PI4KA: variants seen among roughly 807,000 people sequenced by gnomAD.
PI4KA encodes phosphatidylinositol 4-kinase alpha.
Under a neutral mutation model 271.4 loss-of-function variants are expected in PI4KA, and 122 were observed. That is an observed-to-expected ratio of 0.45 (90% CI 0.39 to 0.52). The LOEUF (loss-of-function observed/expected upper bound fraction) is 0.52. Ranked by LOEUF, PI4KA falls within the 20% of genes least tolerant of loss-of-function variation. PI4KA has a pLI of 0.00. For missense variants in PI4KA, 1,969 were observed against 2,769.1 expected (o/e 0.71, Z 6.48); for synonymous variants, 1,041 against 1,078.8 (o/e 0.96, Z 0.69).
At chr22:20,764,790 T>C (rs761753583) in intron 22 of PI4KA, 27 bp downstream of exon 22, 14 of 1,576,102 alleles carry the variant, frequency 8.9e-6, no homozygotes, top group East Asian at 2.3e-5. Context: ...TGGATGTGCA[T>C]GTGCATGGTG....
At chr22:20,806,512 A>C (rs1302295671) in intron 10 of PI4KA, among the ~76,000 whole-genome samples, 1 of 151,566 alleles carries the variant, frequency 6.6e-6, no homozygotes, top group Non-Finnish European at 1.5e-5. Flanking sequence ...TCTACTAAAA[A>C]TACAAAAATT....
intron 19 of PI4KA, among the ~76,000 whole-genome samples, chr22:20,774,869 A>C (rs1007094947): frequency 3.3e-5 from 5 of 152,184 alleles, no homozygotes; most frequent in Non-Finnish European, 7.4e-5. Context: ...TGCCTGTGAG[A>C]ACACACACGT....
intron 19 of PI4KA, among the ~76,000 whole-genome samples, chr22:20,771,422 C>CA (rs777990140): frequency 0.037 from 3,910 of 104,380 alleles, 51 homozygotes; most frequent in Non-Finnish European, 0.054. Context: ...GACTCTGTCT[C>CA]AAAAAAAAAA....
chr22:20,778,282 C>T (rs178033), intron 19 of PI4KA, among the ~76,000 whole-genome samples: 57,663 of 151,746 alleles, frequency 0.38, 11,435 homozygotes, highest in African/African-American at 0.48. Flanking sequence ...GGGTGGATCA[C>T]CTGAGGTCAG....
intron 22 of PI4KA, chr22:20,764,483 T>C: frequency 4.4e-6 from 1 of 226,316 alleles, no homozygotes; most frequent in East Asian, 1.2e-4. Context: ...GTGAGTGTCC[T>C]AGACACGCAC....
In PI4KA at chr22:20,858,627, G is replaced by C; in HGVS notation, c.99C>G (p.Asn33Lys). The C allele has an allele frequency of 6.7e-7, 1 of 1,487,776 alleles. No homozygotes were observed. The allele number at this position is 1,487,776 out of a possible 1,614,324, so 92.2% of individuals were successfully genotyped here. A position where few individuals can be genotyped will look rare whatever the true frequency, so the allele number is the denominator to read the frequency against. The stretch of plus-strand genomic sequence containing the variant: ...GGGAGCGGGCCAGTGACAGGACCGT[G>C]TTGAAATAGAAGCCCCGCGAGGCGC... ...GSSASRGFYFNTVLSLARSLA... is the reference protein window; with the variant it reads ...GSSASRGFYFKTVLSLARSLA... The change falls in exon 1 of 55, where the codon AAC (asparagine) becomes AAG (lysine). Residue 33 changes from asparagine (N) to lysine (K), a missense_variant. Physicochemically the swap from Asn to Lys is moderately conservative, Grantham distance 94. Coordinates refer to ENST00000255882, the MANE Select transcript of PI4KA (RefSeq NM_058004.4).
chr22:20,855,194 T>C (rs890597704), intron 1 of PI4KA, among the ~76,000 whole-genome samples: 15 of 151,022 alleles, frequency 9.9e-5, no homozygotes, highest in Non-Finnish European at 2.2e-4. Flanking sequence ...TTGGGAATGC[T>C]AAGGGCTTTT....
At chr22:20,764,998 A>G in intron 21 of PI4KA, 48 bp from the exon 22 acceptor site, 1 of 1,585,628 alleles carries the variant, frequency 6.3e-7, no homozygotes, top group Non-Finnish European at 8.6e-7. Context: ...CCCCCAGGAC[A>G]AACAGGTCCC....
At position 20,734,511 on chromosome 22, in the gene PI4KA, G is replaced by C; in HGVS notation, c.3784C>G (p.Gln1262Glu). The C allele has an allele frequency of 1.9e-6, 3 of 1,613,974 alleles. No homozygotes were observed. The highest frequency in any genetic ancestry group is 2.2e-5 in the South Asian group (2 of 91,072). ...TCAGCAGAAAACAGGCCAAATTTCT[G>C]CTCCACCGTCATGTGCCAGGCCCCT... ...MAGAWHMTVE[Q>E]KFGLFSAEIK... is the part of the protein sequence containing the mutation. The change falls in exon 33 of 55, where the codon CAG (glutamine) becomes GAG (glutamate). Residue 1262 changes from glutamine to glutamate, a missense_variant. Coordinates refer to ENST00000255882, the MANE Select transcript of PI4KA (RefSeq NM_058004.4).
intron 19 of PI4KA, among the ~76,000 whole-genome samples, chr22:20,776,812 C>T (rs1933325572): frequency 6.6e-6 from 1 of 152,256 alleles, no homozygotes; most frequent in South Asian, 2.1e-4. Flanking sequence ...GCGTGTCAGG[C>T]ATCCAACAGA....
chr22:20,783,414 T>G (rs9608406), intron 19 of PI4KA, among the ~76,000 whole-genome samples: 27 of 137,758 alleles, frequency 2.0e-4, no homozygotes, highest in Non-Finnish European at 3.6e-4. Flanking sequence ...CTAGGTAACA[T>G]AGCAAGACCC....
chr22:20,787,066 G>A (rs764700693), intron 19 of PI4KA: 4 of 1,614,060 alleles, frequency 2.5e-6, no homozygotes, highest in Middle Eastern at 1.7e-4. Flanking sequence ...GCAGGTCCTA[G>A]AGGTGGAGGT....
chr22:20,775,445 A>G (rs2147457045), intron 19 of PI4KA, among the ~76,000 whole-genome samples: 1 of 152,316 alleles, frequency 6.6e-6, no homozygotes, highest in East Asian at 1.9e-4. Context: ...TTGGCTTTTT[A>G]TCAGATAATG....
chr22:20,719,136 A>G lies in PI4KA; in HGVS notation c.5117-314T>C, dbSNP rs368493677. On this transcript the variant is annotated intron_variant, in intron 43 of 54. Transcript: ENST00000255882. ...GTCATTTATGAATGTCACAGGGCAT[A>G]GAATCCTCACTGCTGCACACGCAGG... 9.0e-3 allele frequency among the ~76,000 whole-genome samples: 1,363 copies of G among 152,178 alleles called. 24 individuals are homozygous for G. The highest frequency in any genetic ancestry group is 0.03 in the African/African-American group (1,229 of 41,498).
At chr22:20,741,934 T>A (rs1394289990) in intron 32 of PI4KA, among the ~76,000 whole-genome samples, 2 of 152,142 alleles carry the variant, frequency 1.3e-5, no homozygotes, top group African/African-American at 4.8e-5. Flanking sequence ...CCCAATCAAA[T>A]TCAAAGTTAA....
At chr22:20,740,715 G>A (rs1475429722) in intron 32 of PI4KA, among the ~76,000 whole-genome samples, 1 of 152,182 alleles carries the variant, frequency 6.6e-6, no homozygotes, top group Non-Finnish European at 1.5e-5. Flanking sequence ...GGAACCCATG[G>A]ATATGGAGGG....
chr22:20,788,688 T>C (rs1934433986), intron 19 of PI4KA, among the ~76,000 whole-genome samples: 1 of 152,222 alleles, frequency 6.6e-6, no homozygotes, highest in South Asian at 2.1e-4. Flanking sequence ...TGGTGAACCC[T>C]GATGCTGCGG....
rs747198561 is a variant in PI4KA at position 20,733,848 on chromosome 22, G to A, written c.4053-5C>T. 2 of 1,612,108 alleles carry A rather than the reference G, an allele frequency of 1.2e-6. No individual in the cohort carries two copies. The highest frequency in any genetic ancestry group is 1.7e-6 in the Non-Finnish European group (2 of 1,179,856). On this transcript the variant is annotated splice_polypyrimidine_tract_variant and splice_region_variant and intron_variant, in intron 34 of 54. Transcript: ENST00000255882. ...GACAGCCCCAGGGTCAGCAGCCTGT[G>A]AGGGAGCCCCGGACCCAGTTAGAGC...
At chr22:20,829,774 C>T (rs909139235) in intron 3 of PI4KA, among the ~76,000 whole-genome samples, 4 of 152,000 alleles carry the variant, frequency 2.6e-5, no homozygotes, top group Non-Finnish European at 4.4e-5. Flanking sequence ...TCTAACTTTT[C>T]AACGTCAGCA....
Sources: gnomAD v4.1 joint callset for allele counts (sites outside exome capture counted in the v4.1 genomes callset) on GRCh38, gnomAD v4.1.1 for gene constraint, MANE v1.5 for transcripts, NCBI Gene and HGNC (gene_info 2026-07-23, HGNC 2026-07-21) for gene names.